Variants in HINT3 observed in about 807,000 individuals in gnomAD.
HINT3 encodes histidine triad nucleotide binding protein 3.
A neutral mutation model predicts 19.1 loss-of-function variants in HINT3; 16 were observed. The ratio of observed to expected loss-of-function variants is 0.84; its 90% confidence interval spans 0.57 to 1.27. HINT3 has a LOEUF of 1.27. Among genes scored for constraint, HINT3 ranks in the 50% most tolerant of loss-of-function variants. The pLI, the probability that HINT3 is intolerant of heterozygous loss-of-function variation, is 0.00. For synonymous variants in HINT3, 75 were observed against 84.8 expected, an observed-to-expected ratio of 0.88 and a Z score of 0.63; for missense variants, 197 against 225.8, an observed-to-expected ratio of 0.87 and a Z score of 0.82.
At chr6:125,966,407 G>T (rs185513894) in intron 1 of HINT3, among the ~76,000 whole-genome samples, 1 of 152,220 alleles carries the variant, frequency 6.6e-6, no homozygotes, top group African/African-American at 2.4e-5. Flanking sequence ...TTTAAAAAGT[G>T]TTTAAAAAAT....
intron 1 of HINT3, among the ~76,000 whole-genome samples, chr6:125,963,479 C>T (rs892472387): frequency 6.6e-6 from 1 of 152,042 alleles, no homozygotes; most frequent in East Asian, 1.9e-4. Flanking sequence ...CCAGTCTGCC[C>T]TATTTGGGTT....
At chr6:125,974,186 CA>C (rs1047933310) in intron 3 of HINT3, among the ~76,000 whole-genome samples, 1 of 152,042 alleles carries the variant, frequency 6.6e-6, no homozygotes, top group Non-Finnish European at 1.5e-5. Context: ...GGTGGACTTG[CA>C]AAAATTTTTG....
At position 125,957,227 on chromosome 6, in the gene HINT3, C is replaced by T. The variant is rs867763200; in HGVS notation, c.201+49C>T. Reference sequence around the variant, plus strand: ...GGTGGGTGAGGACCTGGCCGCCCCTCGGAGCTCCGGCAGGGAGGCCTCGCC... The same window carrying T: ...GGTGGGTGAGGACCTGGCCGCCCCTTGGAGCTCCGGCAGGGAGGCCTCGCC... On this transcript the variant is annotated intron_variant, in intron 1 of 4. Transcript: ENST00000229633. 4.7e-6 allele frequency: 7 copies of T among 1,498,784 alleles called. 2 individuals carry two copies. In the Middle Eastern group the frequency reaches 1.3e-3, roughly 269 times the overall value. 92.8% of individuals were successfully genotyped at this position (1,498,784 alleles called of 1,614,324 possible). A position where few individuals can be genotyped will look rare whatever the true frequency, so the allele number is the denominator to read the frequency against.
chr6:125,969,096 TG>T (rs1789060523), intron 2 of HINT3, among the ~76,000 whole-genome samples: 1 of 152,194 alleles, frequency 6.6e-6, no homozygotes, highest in Non-Finnish European at 1.5e-5. Flanking sequence ...ATGTCCAGAA[TG>T]GTGTTTCCTA....
At position 125,972,303 on chromosome 6, in the gene HINT3, A is replaced by G; in HGVS notation, c.364A>G (p.Asn122Asp). ...TVGKTILERN[N>D]FTDFTNVRMG... ...TGGAAAAACCATTCTTGAAAGAAAT[A>G]ATTTCACTGACTTCACGAATGTGAG... Residue 122 changes from asparagine to aspartate, a missense_variant, in exon 3 of 5, where the codon AAT becomes GAT. Physicochemically the swap from Asn to Asp is conservative, Grantham distance 23. Transcript: ENST00000229633. 1.3e-6 allele frequency: 2 copies of G among 1,574,804 alleles called. No individual in the cohort carries two copies. Among genetic ancestry groups the G allele is most frequent in the Non-Finnish European group, 1.7e-6 (2 of 1,163,986 alleles).
intron 2 of HINT3, among the ~76,000 whole-genome samples, chr6:125,969,918 G>C (rs939592577): frequency 6.6e-6 from 1 of 152,134 alleles, no homozygotes; most frequent in Non-Finnish European, 1.5e-5. Flanking sequence ...TATGGACTCA[G>C]ATTGTTGGTG....
chr6:125,967,253 T>C (rs560703419), intron 2 of HINT3, among the ~76,000 whole-genome samples: 180 of 151,978 alleles, frequency 1.2e-3, no homozygotes, highest in African/African-American at 4.2e-3. Flanking sequence ...TTTCCCACAG[T>C]GATTGTGAAG....
At chr6:125,964,444 A>G (rs1788988190) in intron 1 of HINT3, among the ~76,000 whole-genome samples, 1 of 152,142 alleles carries the variant, frequency 6.6e-6, no homozygotes, top group Admixed American at 6.5e-5. Context: ...TTATCCTTCC[A>G]TTGTGAGTAA....
At chr6:125,962,273 TAC>T (rs1788950673) in intron 1 of HINT3, among the ~76,000 whole-genome samples, 8 of 26,084 alleles carry the variant, frequency 3.1e-4, no homozygotes, top group East Asian at 2.0e-3. Flanking sequence ...TATATATACA[TAC>T]ATATATATAT....
intron 4 of HINT3, among the ~76,000 whole-genome samples, chr6:125,977,212 A>G (rs1187299314): frequency 6.6e-6 from 1 of 151,990 alleles, no homozygotes; most frequent in Non-Finnish European, 1.5e-5. Flanking sequence ...TATGCTGCCT[A>G]TTCATCCCTC....
chr6:125,965,610 A>C (rs545020825), intron 1 of HINT3, among the ~76,000 whole-genome samples: 134 of 152,090 alleles, frequency 8.8e-4, no homozygotes, highest in African/African-American at 2.7e-3. Flanking sequence ...ATATATATAT[A>C]TAGCCTGGCA....
intron 1 of HINT3, among the ~76,000 whole-genome samples, chr6:125,961,765 C>T (rs149939580): frequency 9.3e-4 from 142 of 152,136 alleles, no homozygotes; most frequent in Middle Eastern, 3.4e-3. Context: ...TTTATGGAGT[C>T]TTCATTGGAT....
chr6:125,962,269 TACATAC>T (rs1468727637), intron 1 of HINT3, among the ~76,000 whole-genome samples: 1,064 of 21,266 alleles, frequency 0.05, 101 homozygotes, highest in East Asian at 0.14. Context: ...TATATATATA[TACATAC>T]ATATATATAT....
At chr6:125,957,623 G>T (rs1022651975) in intron 1 of HINT3, among the ~76,000 whole-genome samples, 2 of 152,190 alleles carry the variant, frequency 1.3e-5, no homozygotes, top group African/African-American at 4.8e-5. Context: ...AAAACTAGTA[G>T]AAAATAGGTA....
At chr6:125,976,829 A>G (rs1373282144) in intron 4 of HINT3, among the ~76,000 whole-genome samples, 9 of 152,182 alleles carry the variant, frequency 5.9e-5, no homozygotes, top group Non-Finnish European at 1.0e-4. Flanking sequence ...ATAATGATCC[A>G]GATTATATAG....
intron 1 of HINT3, among the ~76,000 whole-genome samples, chr6:125,958,780 G>C (rs899610241): frequency 6.6e-5 from 10 of 152,090 alleles, no homozygotes; most frequent in African/African-American, 2.4e-4. Flanking sequence ...ATGGATAAAA[G>C]CCAGGGTTGC....
chr6:125,960,672 A>AGGGGGGG (rs1395716444), intron 1 of HINT3, among the ~76,000 whole-genome samples: 14 of 83,518 alleles, frequency 1.7e-4, no homozygotes, highest in Admixed American at 3.0e-4. Flanking sequence ...GGGGAAAAAA[A>AGGGGGGG]AAGAAGTTAG....
chr6:125,969,281 T>C (rs1193811731), intron 2 of HINT3, among the ~76,000 whole-genome samples: 1 of 152,236 alleles, frequency 6.6e-6, no homozygotes, highest in Admixed American at 6.5e-5. Context: ...CCATTTCTTA[T>C]ATTTGTCAAC....
In HINT3 at chr6:125,977,980, A is replaced by T. The variant is rs143604204; in HGVS notation, c.*304A>T. 9.7e-4 allele frequency: 213 copies of T among 218,618 alleles called. 1 individual carries two copies. The highest frequency in any genetic ancestry group is 4.4e-3 in the African/African-American group (195 of 44,168). The allele number at this position is 218,618 out of a possible 1,614,324, so 13.5% of individuals were successfully genotyped here. A position where few individuals can be genotyped will look rare whatever the true frequency, so the allele number is the denominator to read the frequency against. Reference sequence around the variant, plus strand: ...AGGGCTCTGTATTTTTTTAAGTTAAAATATTTTCATTTCTCAGTAAGTAGT... The same window carrying T: ...AGGGCTCTGTATTTTTTTAAGTTAATATATTTTCATTTCTCAGTAAGTAGT... On this transcript the variant is annotated 3_prime_UTR_variant, in exon 5 of 5. Coordinates refer to ENST00000229633, the MANE Select transcript of HINT3 (RefSeq NM_138571.5).
Sources: allele counts gnomAD v4.1 joint callset (sites outside exome capture counted in the v4.1 genomes callset), GRCh38; gene constraint gnomAD v4.1.1; transcripts MANE v1.5; gene names NCBI Gene and HGNC (gene_info 2026-07-23, HGNC 2026-07-21).